Variants in YTHDF1 observed in about 807,000 individuals in gnomAD.
YTHDF1 encodes YTH domain-containing family protein 1.
In YTHDF1, 16 loss-of-function variants were observed where a neutral mutation model predicts 49.1. The ratio of observed to expected loss-of-function variants is 0.33; its 90% CI spans 0.22 to 0.49. The LOEUF is 0.49. YTHDF1 is among the 20% of genes least tolerant of loss of function. The pLI is 0.99. For missense variants in YTHDF1, 621 were observed against 744.3 expected (o/e 0.83, Z 1.93); for synonymous variants, 313 against 290.1 (o/e 1.08, Z -0.80).
At chr20:63,207,219 A>C (rs1199651189) in intron 3 of YTHDF1, among the ~76,000 whole-genome samples, 1 of 152,212 alleles carries the variant, frequency 6.6e-6, no homozygotes, top group Non-Finnish European at 1.5e-5. Context: ...CTGTAATCCC[A>C]GCACTTTGGG....
intron 4 of YTHDF1, among the ~76,000 whole-genome samples, chr20:63,198,592 A>C (rs1446614333): frequency 1.3e-5 from 2 of 152,054 alleles, no homozygotes; most frequent in East Asian, 3.9e-4. Context: ...TACAAAGTTT[A>C]CTATGTGCTC....
rs1422174981 is a variant in YTHDF1 at position 63,203,560 on chromosome 20, G to A, written c.380C>T (p.Pro127Leu). Residue 127 changes from proline to leucine, a missense_variant, in exon 4 of 5, where the codon CCT (proline) becomes CTT (leucine). Coordinates refer to ENST00000370339, the MANE Select transcript of YTHDF1 (RefSeq NM_017798.4). This position sits in a 1 kb window ranked among gnomAD's most constrained non-coding sequence, Gnocchi z 4.4. Reference sequence around the variant, plus strand: ...ACTTGTCCCCCATGCTGAGAACGCAGGGTTTTCAGGGAAAAAATTGAACCT... The same window carrying A: ...ACTTGTCCCCCATGCTGAGAACGCAAGGTTTTCAGGGAAAAAATTGAACCT... ...QHRFNFFPENPAFSAWGTSGS... is the reference protein window; with the variant it reads ...QHRFNFFPENLAFSAWGTSGS... 16 of 1,614,142 alleles carry A rather than the reference G, an allele frequency of 9.9e-6. No homozygotes were observed. Among genetic ancestry groups the A allele is most frequent in the Non-Finnish European group, 1.4e-5 (16 of 1,180,032 alleles).
intron 3 of YTHDF1, among the ~76,000 whole-genome samples, chr20:63,213,509 C>A (rs2066586001): frequency 6.6e-6 from 1 of 152,208 alleles, no homozygotes; most frequent in African/African-American, 2.4e-5. Flanking sequence ...CCTCCCCAGA[C>A]CACAATTCCA....
rs774549415 is a variant in YTHDF1, at chr20:63,203,019, T to C, written c.921A>G (p.Ala307=). The change falls in exon 4 of 5, where the codon GCA becomes GCG. Residue 307 remains alanine (A), a synonymous_variant. Coordinates refer to ENST00000370339, the MANE Select transcript of YTHDF1 (RefSeq NM_017798.4). The surrounding 1 kb of genome is among the most constrained non-coding windows in gnomAD (Gnocchi z 4.4). The stretch of plus-strand genomic sequence containing the variant: ...GCGGTTGAGCCAAAGCTGGGGGCTG[T>C]GCTGGGAGAGGCTGAGCCACCTGCT... The part of the protein sequence containing the change: ...QPQQVAQPLP[A]QPPALAQPQY... 6.2e-7 allele frequency: 1 copy of C among 1,610,008 alleles called. No homozygotes were observed. Among genetic ancestry groups the C allele is most frequent in the Admixed American group, 1.7e-5 (1 of 59,860 alleles).
At position 63,196,679 on chromosome 20, in the gene YTHDF1, G is replaced by A. The variant is rs749914499; in HGVS notation, c.*29C>T. On this transcript the variant is annotated 3_prime_UTR_variant, in exon 5 of 5. Coordinates refer to ENST00000370339, the MANE Select transcript of YTHDF1 (RefSeq NM_017798.4). Reference sequence around the variant, plus strand: ...TTTTAAACTGTTTTCAAAGTCAAACGTTAGAACATGTAAGAAACTGGTTCG... The same window carrying A: ...TTTTAAACTGTTTTCAAAGTCAAACATTAGAACATGTAAGAAACTGGTTCG... 4 of 1,613,522 alleles carry A rather than the reference G, an allele frequency of 2.5e-6. No individual in the cohort carries two copies. Among genetic ancestry groups the A allele is most frequent in the Middle Eastern group, 1.6e-4 (1 of 6,080 alleles).
In YTHDF1 at chr20:63,202,303, T is replaced by C; in HGVS notation, c.1637A>G (p.Glu546Gly). 3 of 1,613,162 alleles carry C rather than the reference T, an allele frequency of 1.9e-6. No individual in the cohort carries two copies. Among genetic ancestry groups the C allele is most frequent in the Non-Finnish European group, 2.5e-6 (3 of 1,179,186 alleles). ...CAGCCTCACCTTGCGCACCACCTCC[T>C]CCTCCTCCTGGCGCTTCTCGTAGTG... ...FAHYEKRQEE[E>G]EVVRKERQSR... Residue 546 changes from glutamate (E) to glycine (G), a missense_variant, in exon 4 of 5, where the codon GAG (glutamate) becomes GGG (glycine). By Grantham distance (98) the Glu-to-Gly change is moderately conservative (BLOSUM62 -2). Coordinates refer to ENST00000370339, the MANE Select transcript of YTHDF1 (RefSeq NM_017798.4).
At chr20:63,214,945 C>CGAAG (rs1568996015) in intron 2 of YTHDF1, among the ~76,000 whole-genome samples, 2 of 152,212 alleles carry the variant, frequency 1.3e-5, no homozygotes. Context: ...CACTTACCTT[C>CGAAG]CCACTGTTAT....
intron 3 of YTHDF1, among the ~76,000 whole-genome samples, chr20:63,205,960 T>C (rs1360279680): frequency 1.3e-5 from 2 of 151,930 alleles, no homozygotes; most frequent in African/African-American, 2.4e-5. Flanking sequence ...GTTTCCATGA[T>C]GCTGGCTCCT....
In YTHDF1 at chr20:63,215,995, C is replaced by T. The variant is rs575629572; in HGVS notation, c.-103G>A. 1.8e-6 allele frequency: 2 copies of T among 1,086,404 alleles called. No homozygotes were observed. Among genetic ancestry groups the T allele is most frequent in the Non-Finnish European group, 2.3e-6 (2 of 886,768 alleles). The allele number at this position is 1,086,404 out of a possible 1,614,324, so 67.3% of individuals were successfully genotyped here. On this transcript the variant is annotated 5_prime_UTR_variant, in exon 1 of 5. Transcript: ENST00000370339. ...GCTCGCGCGGCCCCGGGCCCCGCCGCCAATTCCCCGGGCGCCGGCCGGGCG... is the reference window on the plus strand; with the variant it reads ...GCTCGCGCGGCCCCGGGCCCCGCCGTCAATTCCCCGGGCGCCGGCCGGGCG...
rs374712145 is a variant in YTHDF1, at chr20:63,209,261, A to G, written c.132+4603T>C. ...AGAAACACCGTCCACTTAACACTAC[A>G]CTCAATTTTTAAATTTTCCTTTCTT... On this transcript the variant is annotated intron_variant, in intron 3 of 4. Transcript: ENST00000370339. 5.0e-4 allele frequency among the ~76,000 whole-genome samples: 76 copies of G among 152,138 alleles called. No individual in the cohort carries two copies. The South Asian group carries it at 0.014, about 28-fold the overall frequency.
In YTHDF1 at chr20:63,213,854, A is replaced by G; in HGVS notation, c.132+10T>C. 1 of 1,600,698 alleles carries G rather than the reference A, an allele frequency of 6.2e-7. No individual in the cohort carries two copies. The highest frequency in any genetic ancestry group is 1.1e-5 in the South Asian group (1 of 88,122). On this transcript the variant is annotated intron_variant, in intron 3 of 4. Transcript: ENST00000370339. The stretch of plus-strand genomic sequence containing the variant: ...TTAAAAACAAATATATGCTAACAAA[A>G]TAAACTCACCTGATTTGACTGTCCA...
chr20:63,207,604 G>A (rs2066553466), intron 3 of YTHDF1, among the ~76,000 whole-genome samples: 1 of 152,144 alleles, frequency 6.6e-6, no homozygotes, highest in Admixed American at 6.5e-5. Flanking sequence ...GCAAAACCAT[G>A]ATCCTGTTAC....
At position 63,203,331 on chromosome 20, in the gene YTHDF1, C is replaced by T. The variant is rs1461554332; in HGVS notation, c.609G>A (p.Val203=). Residue 203 remains valine (V), a synonymous_variant, in exon 4 of 5, where the codon GTG becomes GTA. Transcript: ENST00000370339. The surrounding 1 kb of genome is among the most constrained non-coding windows in gnomAD (Gnocchi z 4.4). Reference sequence around the variant, plus strand: ...GTGCCACGCTGCTGACGACAGAGCCCACCGTCTTGACGGCGGAGGAGCTGA... The same window carrying T: ...GTGCCACGCTGCTGACGACAGAGCCTACCGTCTTGACGGCGGAGGAGCTGA... ...GDVSSSAVKT[V]GSVVSSVALT... 2 of 1,613,416 alleles carry T rather than the reference C, an allele frequency of 1.2e-6. No individual in the cohort carries two copies. The highest frequency in any genetic ancestry group is 1.7e-5 in the Admixed American group (1 of 60,022).
At chr20:63,197,057 A>G (rs886863022) in intron 4 of YTHDF1, among the ~76,000 whole-genome samples, 3 of 152,158 alleles carry the variant, frequency 2.0e-5, no homozygotes, top group African/African-American at 7.2e-5. Context: ...ATCATTCCAC[A>G]TGGAAAGACA....
At chr20:63,208,501 C>T (rs944919831) in intron 3 of YTHDF1, among the ~76,000 whole-genome samples, 13 of 152,208 alleles carry the variant, frequency 8.5e-5, no homozygotes, top group African/African-American at 2.2e-4. Flanking sequence ...CAGGACTGGT[C>T]CCTCTGAGGC....
At position 63,216,065 on chromosome 20, in the gene YTHDF1, C is replaced by G. The variant is rs1034180953; in HGVS notation, c.-173G>C. ...GCGCGGGCCCCTGGCGAGGCGGCAG[C>G]GGCGGTGAGCCCGGGACGCGGACGC... On this transcript the variant is annotated 5_prime_UTR_variant, in exon 1 of 5. Coordinates refer to ENST00000370339, the MANE Select transcript of YTHDF1 (RefSeq NM_017798.4). The G allele has an allele frequency of 2.3e-5, 8 of 347,734 alleles. No individual in the cohort carries two copies. The highest frequency in any genetic ancestry group is 3.2e-5 in the Non-Finnish European group (8 of 248,432). The allele number at this position is 347,734 out of a possible 1,614,324, so 21.5% of individuals were successfully genotyped here.
chr20:63,196,844 G>C, intron 4 of YTHDF1, 110 bp from the exon 5 acceptor site: 1 of 1,321,566 alleles, frequency 7.6e-7, no homozygotes, highest in Non-Finnish European at 1.1e-6. Context: ...TCTGGAGGCG[G>C]GACCCTGAAT....
intron 3 of YTHDF1, among the ~76,000 whole-genome samples, chr20:63,211,567 A>C (rs1376678618): frequency 6.6e-6 from 1 of 152,206 alleles, no homozygotes; most frequent in African/African-American, 2.4e-5. Context: ...ACCATACTGT[A>C]TACTCTACAT....
At chr20:63,199,133 C>T (rs1319688204) in intron 4 of YTHDF1, among the ~76,000 whole-genome samples, 2 of 152,208 alleles carry the variant, frequency 1.3e-5, no homozygotes, top group Admixed American at 6.5e-5. Context: ...GTCTGTTCTT[C>T]GAAGTCCTGA....
Sources: allele counts gnomAD v4.1 joint callset (sites outside exome capture counted in the v4.1 genomes callset), GRCh38; gene constraint gnomAD v4.1.1; non-coding constraint Gnocchi (gnomAD v3.1); transcripts MANE v1.5; gene names NCBI Gene and HGNC (gene_info 2026-07-23, HGNC 2026-07-21).